The following CHN1 variants were observed in gnomAD, a reference collection of about 807,000 sequenced individuals.
The protein encoded by CHN1 is chimerin 1, also known as N-chimaerin.
In CHN1, 37 loss-of-function variants were observed where a neutral mutation model predicts 59.5. The ratio of observed to expected loss-of-function variants is 0.62; its 90% CI spans 0.48 to 0.82. The LOEUF (loss-of-function observed/expected upper bound fraction) is 0.82, where lower values mean the gene tolerates loss of function less well. Among genes scored for constraint, CHN1 ranks in the 40% least tolerant of loss-of-function variants. CHN1 has a pLI of 0.00. For missense variants in CHN1, 469 were observed against 571.0 expected (o/e 0.82, Z 1.82); for synonymous variants, 206 against 200.4 (o/e 1.03, Z -0.24).
intron 5 of CHN1, among the ~76,000 whole-genome samples, chr2:174,907,046 T>A (rs1233896966): frequency 6.6e-6 from 1 of 152,144 alleles, no homozygotes; most frequent in African/African-American, 2.4e-5. Flanking sequence ...AAATAATAAC[T>A]CAAAGGCTCT....
intron 5 of CHN1, among the ~76,000 whole-genome samples, chr2:174,905,521 G>C (rs1180610039): frequency 3.3e-5 from 5 of 151,946 alleles, no homozygotes; most frequent in African/African-American, 1.2e-4. Context: ...AGTTTGAATA[G>C]ACAGAATACT....
intron 6 of CHN1, among the ~76,000 whole-genome samples, chr2:174,870,377 C>T (rs1159350764): frequency 6.6e-6 from 1 of 152,054 alleles, no homozygotes; most frequent in Non-Finnish European, 1.5e-5. Flanking sequence ...ATTTATGAGG[C>T]CATATTAAAA....
Position 174,799,451 on chromosome 2 carries a change from C to A in CHN1, c.*665G>T, listed in dbSNP as rs1558927231. 2 of 466,774 alleles carry A rather than the reference C, an allele frequency of 4.3e-6. No individual in the cohort carries two copies. Among genetic ancestry groups the A allele is most frequent in the African/African-American group, 2.0e-5 (1 of 50,222 alleles). The allele number at this position is 466,774 out of a possible 1,614,324, so 28.9% of individuals were successfully genotyped here. On this transcript the variant is annotated 3_prime_UTR_variant, in exon 13 of 13. Transcript: ENST00000409900. ...TAATAAACGCATGCCAGAAAAAATA[C>A]CAAATTACAACTGAAAACCAATAAT...
At position 174,812,348 on chromosome 2, in the gene CHN1, T is replaced by C. The variant is rs746338135; in HGVS notation, c.847A>G (p.Met283Val). The C allele has an allele frequency of 1.2e-6, 2 of 1,613,952 alleles. No individual in the cohort carries two copies. The highest frequency in any genetic ancestry group is 1.7e-6 in the Non-Finnish European group (2 of 1,179,854). The change falls in exon 9 of 13, where the codon ATG becomes GTG. Residue 283 changes from methionine (M) to valine (V), a missense_variant. Physicochemically the swap from Met to Val is conservative, Grantham distance 21. Around this residue, in one of 5 missense-constraint regions of CHN1, gnomAD observed 225 missense variants for 289.9 expected, o/e 0.78. Coordinates refer to ENST00000409900, the MANE Select transcript of CHN1 (RefSeq NM_001822.7). ...LVKAHTTKRP[M>V]VVDMCIREIE... Reference sequence around the variant, plus strand: ...TCCCTGATGCACATGTCTACCACCATTGGCCGCTTAGTGGTATGTGCTTTC... The same window carrying C: ...TCCCTGATGCACATGTCTACCACCACTGGCCGCTTAGTGGTATGTGCTTTC...
chr2:174,911,560 C>G (rs1688701930), intron 5 of CHN1, among the ~76,000 whole-genome samples: 1 of 152,144 alleles, frequency 6.6e-6, no homozygotes, highest in Non-Finnish European at 1.5e-5. Context: ...AAGGCTCAGC[C>G]TAAAATTTAG....
At chr2:174,904,822 A>G (rs1688494092) in intron 5 of CHN1, among the ~76,000 whole-genome samples, 1 of 152,158 alleles carries the variant, frequency 6.6e-6, no homozygotes, top group Non-Finnish European at 1.5e-5. Context: ...TATAGATAAA[A>G]CTTAATTTTC....
intron 6 of CHN1, 69 bp downstream of exon 6, chr2:174,877,771 T>C: frequency 7.1e-7 from 1 of 1,408,774 alleles, no homozygotes; most frequent in Admixed American, 2.1e-5. Context: ...CAATCTCTTC[T>C]GGCAATAATG....
rs190497599 is a variant in CHN1 at position 174,805,492 on chromosome 2, C to T, written c.1102+3413G>A. ...GAACTCCTCCCTTTAAAAGGGATTC[C>T]GGTGAAGTAGGAAGACAAAACGTAA... On this transcript the variant is annotated intron_variant, in intron 11 of 12. Transcript: ENST00000409900. Among the ~76,000 whole-genome samples the T allele has an allele frequency of 7.6e-4, 116 of 152,182 alleles. No homozygotes were observed. The South Asian group carries it at 0.012, about 16-fold the overall frequency.
intron 8 of CHN1, among the ~76,000 whole-genome samples, chr2:174,822,268 A>C (rs1437639310): frequency 6.6e-6 from 1 of 152,214 alleles, no homozygotes; most frequent in Non-Finnish European, 1.5e-5. Context: ...TTTTCTTTCA[A>C]TTCCTGACCT....
intron 3 of CHN1, among the ~76,000 whole-genome samples, chr2:174,924,598 T>C (rs1210232726): frequency 4.6e-5 from 7 of 151,976 alleles, no homozygotes; most frequent in Non-Finnish European, 4.4e-5. Context: ...TACAATAGCA[T>C]TTAGATGTTT....
chr2:174,910,262 T>C (rs538560339), intron 5 of CHN1, among the ~76,000 whole-genome samples: 19 of 152,346 alleles, frequency 1.2e-4, no homozygotes, highest in African/African-American at 4.1e-4. Context: ...TTTAGCAGGT[T>C]AAGTCATTGT....
intron 6 of CHN1, among the ~76,000 whole-genome samples, chr2:174,857,466 ATTG>A: frequency 6.6e-6 from 1 of 152,148 alleles, no homozygotes; most frequent in South Asian, 2.1e-4. Context: ...GTCCTGATGT[ATTG>A]GTAACAACCT....
chr2:174,886,153 G>C (rs749461279), intron 5 of CHN1, among the ~76,000 whole-genome samples: 2 of 152,200 alleles, frequency 1.3e-5, no homozygotes, highest in Non-Finnish European at 2.9e-5. Flanking sequence ...ATAAGTGTGA[G>C]TGTGTGTATA....
Position 175,004,874 on chromosome 2 carries a change from G to A in CHN1, c.19+20C>T. Reference sequence around the variant, plus strand: ...GGACGCGGCCCACCTGCGGCGGCGCGGGGAGACGGCTGCACTTACCAAACA... The same window carrying A: ...GGACGCGGCCCACCTGCGGCGGCGCAGGGAGACGGCTGCACTTACCAAACA... On this transcript the variant is annotated intron_variant, in intron 1 of 12. Transcript: ENST00000409900. The A allele has an allele frequency of 7.2e-7, 1 of 1,389,358 alleles. No homozygotes were observed. The highest frequency in any genetic ancestry group is 9.4e-7 in the Non-Finnish European group (1 of 1,060,962). The allele number at this position is 1,389,358 out of a possible 1,614,324, so 86.1% of individuals were successfully genotyped here.
intron 11 of CHN1, among the ~76,000 whole-genome samples, chr2:174,805,599 G>A (rs1012149821): frequency 6.6e-6 from 1 of 152,202 alleles, no homozygotes; most frequent in African/African-American, 2.4e-5. Context: ...AAGATGGTCT[G>A]CAGCTGAGAG....
Position 174,807,386 on chromosome 2 carries a change from T to C in CHN1, c.1102+1519A>G, listed in dbSNP as rs1684917892. 1.3e-5 allele frequency among the ~76,000 whole-genome samples: 2 copies of C among 151,626 alleles called. 1 individual carries two copies. Among genetic ancestry groups the C allele is most frequent in the African/African-American group, 4.8e-5 (2 of 41,240 alleles). On this transcript the variant is annotated intron_variant, in intron 11 of 12. Transcript: ENST00000409900. ...AGAGTGGAAGCTTACCCACTTTCAG[T>C]GGGATCGGAGTCCTCGGGATCAGAG...
intron 1 of CHN1, among the ~76,000 whole-genome samples, chr2:174,965,651 G>T (rs1690568359): frequency 6.6e-6 from 1 of 152,144 alleles, no homozygotes; most frequent in Admixed American, 6.5e-5. Context: ...TAAACAGAAT[G>T]ACATTTATTA....
At chr2:174,865,901 G>A (rs1687203073) in intron 6 of CHN1, among the ~76,000 whole-genome samples, 1 of 152,158 alleles carries the variant, frequency 6.6e-6, no homozygotes, top group African/African-American at 2.4e-5. Flanking sequence ...GGACCTTGTG[G>A]TCATCTATGA....
chr2:174,912,688 CATAT>C (rs1426880953), intron 5 of CHN1, among the ~76,000 whole-genome samples: 2 of 152,164 alleles, frequency 1.3e-5, no homozygotes, highest in Non-Finnish European at 2.9e-5. Flanking sequence ...AAGAATAATA[CATAT>C]ATCGGTGCAA....
Sources: gnomAD v4.1 joint callset for allele counts (sites outside exome capture counted in the v4.1 genomes callset) on GRCh38, gnomAD v4.1.1 for gene constraint, gnomAD v4.1.1 regional missense constraint, MANE v1.5 for transcripts, NCBI Gene and HGNC (gene_info 2026-07-23, HGNC 2026-07-21) for gene names.